Variants in PNISR observed in about 807,000 individuals in gnomAD.
The protein encoded by PNISR is arginine/serine-rich protein PNISR.
Under a neutral mutation model 93.4 loss-of-function variants are expected in PNISR, and 20 were observed. That is an observed-to-expected ratio of 0.21 (90% CI 0.15 to 0.31). The LOEUF is 0.31. Among genes scored for constraint, PNISR ranks in the 10% least tolerant of loss-of-function variants. The pLI is 1.00. For missense variants in PNISR, 893 were observed against 985.4 expected, an observed-to-expected ratio of 0.91 and a Z score of 1.25; for synonymous variants, 305 against 306.5, an observed-to-expected ratio of 0.99 and a Z score of 0.05.
intron 1 of PNISR, among the ~76,000 whole-genome samples, chr6:99,423,824 G>A (rs1199121351): frequency 6.6e-6 from 1 of 152,152 alleles, no homozygotes; most frequent in South Asian, 2.1e-4. Context: ...TTCTGGAGGC[G>A]TATAGTGTAA....
intron 9 of PNISR, chr6:99,404,351 T>C (rs1015874396): frequency 4.2e-6 from 2 of 474,294 alleles, no homozygotes; most frequent in Admixed American, 3.6e-5. Context: ...ACTGAACACC[T>C]GGAATTTTCC....
intron 1 of PNISR, among the ~76,000 whole-genome samples, chr6:99,423,274 T>C (rs928598601): frequency 6.6e-6 from 1 of 152,164 alleles, no homozygotes; most frequent in Non-Finnish European, 1.5e-5. Context: ...ATAAGTTATG[T>C]AATAAACATC....
At chr6:99,403,947 A>G (rs1775830044) in intron 9 of PNISR, 65 bp from the exon 10 acceptor site, 1 of 1,122,998 alleles carries the variant, frequency 8.9e-7, no homozygotes, top group Non-Finnish European at 1.3e-6. Flanking sequence ...CATAGTCATG[A>G]GTCTATGGTA....
intron 1 of PNISR, among the ~76,000 whole-genome samples, chr6:99,419,096 G>A (rs1261070610): frequency 7.3e-6 from 1 of 137,058 alleles, no homozygotes; most frequent in Non-Finnish European, 1.5e-5. Context: ...GTCGCAGTGA[G>A]CTGAGATAGC....
Position 99,400,915 on chromosome 6 carries a change from GTCTT to G in PNISR, c.2039_2042del (p.Lys680ThrfsTer31), listed in dbSNP as rs1360382712. 9 of 1,568,714 alleles carry G rather than the reference GTCTT, an allele frequency of 5.7e-6. No homozygotes were observed. The highest frequency in any genetic ancestry group is 7.0e-6 in the Non-Finnish European group (8 of 1,143,140). ...TATCCTGTTCACGTTCCCTTTCTTTGTCTTTCTTTTTCCTATCTTTATCTATACT... is the reference window on the plus strand; with the variant it reads ...TATCCTGTTCACGTTCCCTTTCTTTGTCTTTTTCCTATCTTTATCTATACT... On this transcript the variant is annotated frameshift_variant, in exon 12 of 12. Coordinates refer to ENST00000369239, the MANE Select transcript of PNISR (RefSeq NM_032870.4). LOFTEE classifies it high-confidence loss of function.
In PNISR at chr6:99,399,425, G is replaced by C. The variant is rs1186046144; in HGVS notation, c.*1115C>G. ...CTGCATAATACAGCATTCCTCCATT[G>C]ATTTGAGGTCATATTATACTTTAAA... On this transcript the variant is annotated 3_prime_UTR_variant, in exon 12 of 12. Transcript: ENST00000369239. The C allele has an allele frequency of 6.6e-6, 1 of 152,020 alleles. No homozygotes were observed. The highest frequency in any genetic ancestry group is 1.5e-5 in the Non-Finnish European group (1 of 67,958). The allele number at this position is 152,020 out of a possible 1,614,324, so 9.4% of individuals were successfully genotyped here.
chr6:99,407,417 AAC>A (rs1776303804), intron 7 of PNISR, among the ~76,000 whole-genome samples: 2 of 152,330 alleles, frequency 1.3e-5, no homozygotes, highest in Admixed American at 1.3e-4. Context: ...CTAGAATAAA[AAC>A]ACAGATTTTG....
chr6:99,404,728 T>A, intron 8 of PNISR, 26 bp from the exon 9 acceptor site: 2 of 1,122,356 alleles, frequency 1.8e-6, no homozygotes, highest in African/African-American at 3.1e-5. Flanking sequence ...TTATACAGTA[T>A]TTCTAATTAT....
In PNISR at chr6:99,404,624, C is replaced by T; in HGVS notation, c.1081G>A (p.Ala361Thr). The T allele has an allele frequency of 6.3e-7, 1 of 1,594,358 alleles. No individual in the cohort carries two copies. The highest frequency in any genetic ancestry group is 1.1e-5 in the South Asian group (1 of 90,716). The change falls in exon 9 of 12, where the codon GCA becomes ACA. Residue 361 changes from alanine to threonine, a missense_variant. Coordinates refer to ENST00000369239, the MANE Select transcript of PNISR (RefSeq NM_032870.4). ...ATACCTTTCGTTGCTTTGCGGTGTG[C>T]ATCTTTGGCTACGTAATAAATTTCT... ...DEEIYYVAKD[A>T]HRKATKAPAK...
chr6:99,421,636 G>A (rs1778568233), intron 1 of PNISR, among the ~76,000 whole-genome samples: 2 of 152,118 alleles, frequency 1.3e-5, no homozygotes, highest in South Asian at 2.1e-4. Context: ...CCCCTACAAA[G>A]CCATTAGAGA....
intron 4 of PNISR, chr6:99,411,810 T>G (rs1261047502): frequency 6.6e-6 from 1 of 152,472 alleles, no homozygotes. Flanking sequence ...TTTTTTTTTT[T>G]GTAGAGACAG....
Position 99,401,356 on chromosome 6 carries a change from A to C in PNISR, c.1602T>G (p.Ser534=). The C allele has an allele frequency of 6.2e-7, 1 of 1,613,864 alleles. No individual in the cohort carries two copies. The highest frequency in any genetic ancestry group is 1.3e-5 in the African/African-American group (1 of 75,042). ...TSSTSSTVSS[S]SYSSSSGSSR... ...TACTACCTGAGCTAGAACTGTATGA[A>C]GAGCTAGAGACAGTACTACTAGTAC... The change falls in exon 12 of 12, where the codon TCT becomes TCG. Residue 534 remains serine, a synonymous_variant. Transcript: ENST00000369239.
intron 1 of PNISR, among the ~76,000 whole-genome samples, chr6:99,419,132 G>A (rs1361813941): frequency 9.3e-6 from 1 of 108,028 alleles, no homozygotes; most frequent in African/African-American, 3.6e-5. Context: ...CAGCCTGGGT[G>A]CCAGAGCGAG....
At chr6:99,424,948 A>C (rs1167939587) in intron 1 of PNISR, 1 of 315,948 alleles carries the variant, frequency 3.2e-6, no homozygotes, top group Non-Finnish European at 5.7e-6. Flanking sequence ...GGAACCCAAC[A>C]ATTAGTCCCT....
intron 4 of PNISR, chr6:99,412,213 C>T: frequency 2.0e-6 from 1 of 490,758 alleles, no homozygotes; most frequent in East Asian, 5.9e-5. Context: ...TTTTACTCTG[C>T]CAGTGCTGCT....
In PNISR at chr6:99,414,652, TC is replaced by T; in HGVS notation, c.7del (p.Asp3IlefsTer12). The T allele has an allele frequency of 6.3e-7, 1 of 1,591,744 alleles. No homozygotes were observed. MW[D>X]QGGQPWQQWP... ...CTGCTGCCAAGGCTGTCCTCCTTGA[TC>T]CCACATCCCTTCTTTTAAAATATAC... is the stretch of plus-strand genomic sequence containing the variant. On this transcript the variant is annotated frameshift_variant, in exon 3 of 12. Coordinates refer to ENST00000369239, the MANE Select transcript of PNISR (RefSeq NM_032870.4). LOFTEE classifies it high-confidence loss of function.
chr6:99,419,173 AAAAAAAAAAAAAAAAAAG>A lies in PNISR; in HGVS notation c.-111-2763_-111-2746del, dbSNP rs1159447906. Among the ~76,000 whole-genome samples the A allele has an allele frequency of 2.2e-4, 31 of 143,932 alleles. 4 individuals carry two copies. Among genetic ancestry groups the A allele is most frequent in the Middle Eastern group, 3.6e-3 (1 of 278 alleles). 94.4% of individuals were successfully genotyped at this position (143,932 alleles called of 152,430 possible). A position where few individuals can be genotyped will look rare whatever the true frequency, so the allele number is the denominator to read the frequency against. On this transcript the variant is annotated intron_variant, in intron 1 of 11. Coordinates refer to ENST00000369239, the MANE Select transcript of PNISR (RefSeq NM_032870.4). ...GTCTCAAAAAAAAAAAAAAAAAAAA[AAAAAAAAAAAAAAAAAAG>A]GGCAATTTACCATTATGGCATCTTA...
chr6:99,411,309 T>C (rs1776879363), intron 4 of PNISR, among the ~76,000 whole-genome samples: 3 of 152,214 alleles, frequency 2.0e-5, no homozygotes, highest in African/African-American at 7.2e-5. Context: ...TATAATTTCT[T>C]TCTTACACGA....
rs1776380005 is a variant in PNISR at position 99,408,070 on chromosome 6, A to G, written c.864+11T>C. On this transcript the variant is annotated intron_variant, in intron 7 of 11. Transcript: ENST00000369239. ...TTTCACATGGAGTTTCATGTTGGGGATTCTACTTACAAATTTACTTCTCTG... is the reference window on the plus strand; with the variant it reads ...TTTCACATGGAGTTTCATGTTGGGGGTTCTACTTACAAATTTACTTCTCTG... 1.9e-6 allele frequency: 3 copies of G among 1,563,024 alleles called. No homozygotes were observed. Among genetic ancestry groups the G allele is most frequent in the Non-Finnish European group, 2.6e-6 (3 of 1,154,462 alleles).
Sources: allele counts gnomAD v4.1 joint callset (sites outside exome capture counted in the v4.1 genomes callset), GRCh38; gene constraint gnomAD v4.1.1; transcripts MANE v1.5; gene names NCBI Gene and HGNC (gene_info 2026-07-23, HGNC 2026-07-21).